GOLM2: variants seen among roughly 807,000 people sequenced by gnomAD.
GOLM2 encodes the protein protein GOLM2.
Under a neutral mutation model 55.9 loss-of-function variants are expected in GOLM2, and 26 were observed. The ratio of observed to expected loss-of-function variants is 0.47; its 90% CI spans 0.34 to 0.65. The LOEUF is 0.65. Among genes scored for constraint, GOLM2 ranks in the 30% least tolerant of loss-of-function variants. The probability of loss-of-function intolerance (pLI) is 0.01; values close to 1 mark genes in which losing one functional copy is unlikely to be tolerated. For synonymous variants in GOLM2, 165 were observed against 194.6 expected (o/e 0.85, Z 1.27); for missense variants, 486 against 531.8 (o/e 0.91, Z 0.85).
intron 6 of GOLM2, among the ~76,000 whole-genome samples, chr15:44,368,579 A>G (rs1370113484): frequency 1.3e-5 from 2 of 151,832 alleles, no homozygotes; most frequent in African/African-American, 4.8e-5. Context: ...CCCAGTCAGC[A>G]TATATTTCAC....
At chr15:44,352,254 A>G (rs940880862) in intron 6 of GOLM2, among the ~76,000 whole-genome samples, 5 of 152,220 alleles carry the variant, frequency 3.3e-5, no homozygotes, top group African/African-American at 1.2e-4. Flanking sequence ...TAGAGAACCT[A>G]GAAACAGTTC....
At chr15:44,381,081 A>G (rs1264238474) in intron 8 of GOLM2, 105 bp downstream of exon 8, 5 of 641,614 alleles carry the variant, frequency 7.8e-6, no homozygotes, top group Non-Finnish European at 9.3e-6. Flanking sequence ...GTGAAGTTAT[A>G]TATATTTAAA....
At chr15:44,304,512 G>C (rs183714757) in intron 1 of GOLM2, among the ~76,000 whole-genome samples, 3 of 152,044 alleles carry the variant, frequency 2.0e-5, no homozygotes, top group African/African-American at 7.3e-5. Flanking sequence ...AAAGTGCTGG[G>C]ACTACAGGCA....
chr15:44,369,632 T>C (rs1010038559), intron 6 of GOLM2, among the ~76,000 whole-genome samples: 3 of 151,112 alleles, frequency 2.0e-5, no homozygotes, highest in Middle Eastern at 3.2e-3. Context: ...GACCAGCCTG[T>C]ATGTATATAT....
In GOLM2 at chr15:44,331,516, T is replaced by C. The variant is rs191572456; in HGVS notation, c.486-472T>C. Among the ~76,000 whole-genome samples the C allele has an allele frequency of 4.4e-3, 675 of 152,300 alleles. 4 individuals carry two copies. Among genetic ancestry groups the C allele is most frequent in the African/African-American group, 0.015 (644 of 41,568 alleles). On this transcript the variant is annotated intron_variant, in intron 3 of 9. Transcript: ENST00000299957. Reference sequence around the variant, plus strand: ...AGTCTATCTTCTTTATTAGTTTCTTTCGTTCCTAGTATTCTATGGTTTAGC... The same window carrying C: ...AGTCTATCTTCTTTATTAGTTTCTTCCGTTCCTAGTATTCTATGGTTTAGC...
chr15:44,370,990 C>T (rs989887232), intron 6 of GOLM2, among the ~76,000 whole-genome samples: 1 of 152,154 alleles, frequency 6.6e-6, no homozygotes, highest in Non-Finnish European at 1.5e-5. Flanking sequence ...GCTCTCAGCC[C>T]TATAGGAGGA....
At chr15:44,295,917 T>TACACACACACACACACACACACACAC (rs71421830) in intron 1 of GOLM2, among the ~76,000 whole-genome samples, 23 of 143,060 alleles carry the variant, frequency 1.6e-4, no homozygotes, top group African/African-American at 5.7e-4. Flanking sequence ...CCACCACACA[T>TACACACACACACACACACACACACAC]ACACACACAC....
chr15:44,362,171 A>G (rs2079245303), intron 6 of GOLM2, among the ~76,000 whole-genome samples: 1 of 149,688 alleles, frequency 6.7e-6, no homozygotes, highest in Non-Finnish European at 1.5e-5. Context: ...CCTATTCAAC[A>G]TAGTGTTGGA....
intron 6 of GOLM2, among the ~76,000 whole-genome samples, chr15:44,366,493 G>C (rs1383821143): frequency 6.6e-6 from 1 of 152,052 alleles, no homozygotes; most frequent in East Asian, 1.9e-4. Flanking sequence ...AATTAGCCAT[G>C]CATGGTGGCA....
chr15:44,309,364 A>C (rs2078858702), intron 1 of GOLM2, among the ~76,000 whole-genome samples: 1 of 152,224 alleles, frequency 6.6e-6, no homozygotes, highest in Non-Finnish European at 1.5e-5. Context: ...TCAGTTATGC[A>C]AGATGAGTAA....
At chr15:44,315,889 A>G (rs1022468556) in intron 1 of GOLM2, among the ~76,000 whole-genome samples, 1 of 152,224 alleles carries the variant, frequency 6.6e-6, no homozygotes, top group African/African-American at 2.4e-5. Context: ...TTGAAGAATA[A>G]TTAAAATTGT....
intron 8 of GOLM2, among the ~76,000 whole-genome samples, chr15:44,383,330 G>A (rs2079417558): frequency 2.0e-5 from 3 of 151,892 alleles, no homozygotes; most frequent in South Asian, 2.1e-4. Context: ...TCCTCAGAAC[G>A]AAATTACTGG....
At position 44,415,029 on chromosome 15, in the gene GOLM2, T is replaced by C. The variant is rs183333354; in HGVS notation, c.*1623T>C. The C allele has an allele frequency of 1.6e-3, 239 of 152,740 alleles. No individual in the cohort carries two copies. The highest frequency in any genetic ancestry group is 5.5e-3 in the African/African-American group (229 of 41,574). The allele number at this position is 152,740 out of a possible 1,614,324, so 9.5% of individuals were successfully genotyped here. ...GTTAATTGCACATAAACATGAAATG[T>C]GTTTTCCCCTGTGTACTAACACATT... On this transcript the variant is annotated 3_prime_UTR_variant, in exon 10 of 10. Coordinates refer to ENST00000299957, the MANE Select transcript of GOLM2 (RefSeq NM_138423.4).
chr15:44,319,085 C>T (rs536621895), intron 1 of GOLM2, among the ~76,000 whole-genome samples: 1 of 152,268 alleles, frequency 6.6e-6, no homozygotes, highest in African/African-American at 2.4e-5. Context: ...ATTAAGTTCG[C>T]CCATCATGTC....
chr15:44,349,740 G>T (rs997658081), intron 6 of GOLM2, among the ~76,000 whole-genome samples: 1 of 152,134 alleles, frequency 6.6e-6, no homozygotes, highest in Non-Finnish European at 1.5e-5. Context: ...CCATATGTTA[G>T]ACCACCAAAC....
intron 1 of GOLM2, among the ~76,000 whole-genome samples, chr15:44,299,660 C>A (rs2078783014): frequency 6.6e-6 from 1 of 151,946 alleles, no homozygotes; most frequent in Non-Finnish European, 1.5e-5. Context: ...TATAATTCTA[C>A]CATTATGTTA....
At chr15:44,383,700 A>G (rs2079420890) in intron 8 of GOLM2, among the ~76,000 whole-genome samples, 1 of 143,650 alleles carries the variant, frequency 7.0e-6, no homozygotes, top group Non-Finnish European at 1.5e-5. Flanking sequence ...TTTTGAGACA[A>G]CGTCTCACTC....
intron 6 of GOLM2, among the ~76,000 whole-genome samples, chr15:44,349,614 C>T (rs2079148104): frequency 6.6e-6 from 1 of 152,168 alleles, no homozygotes; most frequent in African/African-American, 2.4e-5. Flanking sequence ...AAACATCAGA[C>T]TTCATCTACA....
chr15:44,319,374 G>C (rs1212472566), intron 1 of GOLM2, among the ~76,000 whole-genome samples: 4 of 151,848 alleles, frequency 2.6e-5, no homozygotes, highest in Non-Finnish European at 5.9e-5. Context: ...CACCATGCTC[G>C]ACTAATCTGT....
Sources: allele counts gnomAD v4.1 joint callset (sites outside exome capture counted in the v4.1 genomes callset), GRCh38; gene constraint gnomAD v4.1.1; transcripts MANE v1.5; gene names NCBI Gene and HGNC (gene_info 2026-07-23, HGNC 2026-07-21).